Variants in UBE2V2 observed in about 807,000 individuals in gnomAD.
UBE2V2 encodes ubiquitin conjugating enzyme E2 V2, also known as ubiquitin-conjugating enzyme E2 variant 2.
In UBE2V2, 9 loss-of-function variants were observed where a neutral mutation model predicts 17.2. That is an observed-to-expected ratio of 0.52 (90% confidence interval 0.32 to 0.91). UBE2V2 has a LOEUF of 0.91. Among genes scored for constraint, UBE2V2 ranks in the 40% least tolerant of loss-of-function variants. The pLI is 0.04. For synonymous variants in UBE2V2, 61 were observed against 57.5 expected (o/e 1.06, Z -0.28); for missense variants, 133 against 182.6 (o/e 0.73, Z 1.56).
chr8:48,025,126 G>A (rs2091332091), intron 1 of UBE2V2, among the ~76,000 whole-genome samples: 1 of 151,864 alleles, frequency 6.6e-6, no homozygotes, highest in Admixed American at 6.6e-5. Context: ...AGTAGAAACG[G>A]GGTTTCACCG....
the UBE2V2 span, among the ~76,000 whole-genome samples, chr8:48,000,670 A>C: frequency 1.3e-5 from 2 of 151,840 alleles, no homozygotes; most frequent in Non-Finnish European, 2.9e-5. Context: ...AAATACAAAA[A>C]AATTAGCTGG....
chr8:48,045,110 A>C (rs952424293), intron 2 of UBE2V2, among the ~76,000 whole-genome samples: 1 of 152,210 alleles, frequency 6.6e-6, no homozygotes, highest in African/African-American at 2.4e-5. Flanking sequence ...GGGCACACAG[A>C]CAAAATGCTA....
intron 1 of UBE2V2, among the ~76,000 whole-genome samples, chr8:48,010,698 GT>G (rs556750645): frequency 0.018 from 1,795 of 98,668 alleles, 125 homozygotes; most frequent in Admixed American, 0.14. Flanking sequence ...GGGTTTGTTT[GT>G]TTTTTTTTTT....
chr8:47,998,802 C>T, the UBE2V2 span, among the ~76,000 whole-genome samples: 1 of 151,986 alleles, frequency 6.6e-6, no homozygotes, highest in African/African-American at 2.4e-5. Context: ...AAAAATAGAC[C>T]CAAAGTCAGG....
chr8:48,041,173 G>GT (rs1022135692), intron 1 of UBE2V2, among the ~76,000 whole-genome samples: 7,433 of 117,318 alleles, frequency 0.063, 331 homozygotes, highest in African/African-American at 0.11. Context: ...CTTTTTTGTT[G>GT]TTTTTTTTTT....
chr8:48,057,188 A>G (rs1409466555), intron 3 of UBE2V2, among the ~76,000 whole-genome samples: 1 of 152,260 alleles, frequency 6.6e-6, no homozygotes, highest in African/African-American at 2.4e-5. Flanking sequence ...TTGAATCTCT[A>G]AATTAACTTG....
intron 1 of UBE2V2, among the ~76,000 whole-genome samples, chr8:48,014,115 A>G (rs2091251523): frequency 6.6e-6 from 1 of 152,216 alleles, no homozygotes; most frequent in South Asian, 2.1e-4. Flanking sequence ...TGAGGCTTCC[A>G]TAACTGGCCT....
upstream of UBE2V2, among the ~76,000 whole-genome samples, chr8:48,004,496 CTTT>C (rs933576098): frequency 3.4e-5 from 5 of 147,218 alleles, no homozygotes; most frequent in African/African-American, 9.9e-5. Flanking sequence ...TATGATTCTT[CTTT>C]ATTTCCTCTT....
chr8:48,024,702 G>A (rs927193959), intron 1 of UBE2V2, among the ~76,000 whole-genome samples: 2 of 152,008 alleles, frequency 1.3e-5, no homozygotes, highest in Admixed American at 6.6e-5. Flanking sequence ...TTATTTTACA[G>A]ATAAATGCTG....
intron 2 of UBE2V2, among the ~76,000 whole-genome samples, chr8:48,045,794 G>C (rs990345167): frequency 6.6e-6 from 1 of 152,172 alleles, no homozygotes; most frequent in Non-Finnish European, 1.5e-5. Flanking sequence ...CTTGAAGGCA[G>C]GTCACAGCAG....
At chr8:48,050,204 A>G (rs2091526630) in intron 3 of UBE2V2, 1 of 301,740 alleles carries the variant, frequency 3.3e-6, no homozygotes, top group Admixed American at 5.0e-5. Flanking sequence ...CTTGCCTAGA[A>G]TAGATGCATG....
Position 48,055,229 on chromosome 8 carries a change from C to T in UBE2V2, c.291+5251C>T, listed in dbSNP as rs1334656656. Among the ~76,000 whole-genome samples, 13 of 131,274 alleles carry T rather than the reference C, an allele frequency of 9.9e-5. No homozygotes were observed. The South Asian group carries it at 1.2e-3, about 12-fold the overall frequency. 86.1% of individuals were successfully genotyped at this position (131,274 alleles called of 152,430 possible). The stretch of plus-strand genomic sequence containing the variant: ...TTTTTTTTTTTTTGAGACGGAGTTT[C>T]GCTCTTATTGCCCAGGGTAGAGTGC... On this transcript the variant is annotated intron_variant, in intron 3 of 3. Coordinates refer to ENST00000523111, the MANE Select transcript of UBE2V2 (RefSeq NM_003350.3).
chr8:48,044,822 T>G (rs2154507783), intron 2 of UBE2V2, among the ~76,000 whole-genome samples: 1 of 152,340 alleles, frequency 6.6e-6, no homozygotes, highest in Admixed American at 6.5e-5. Flanking sequence ...AGAATATAAA[T>G]TTGAAATTAT....
chr8:48,062,867 A>C lies in UBE2V2; in HGVS notation c.*2039A>C, dbSNP rs1024842389. 2.0e-5 allele frequency: 3 copies of C among 152,220 alleles called. No individual in the cohort carries two copies. Among genetic ancestry groups the C allele is most frequent in the Non-Finnish European group, 4.4e-5 (3 of 68,036 alleles). 9.4% of individuals were successfully genotyped at this position (152,220 alleles called of 1,614,324 possible). On this transcript the variant is annotated 3_prime_UTR_variant, in exon 4 of 4. Coordinates refer to ENST00000523111, the MANE Select transcript of UBE2V2 (RefSeq NM_003350.3). Reference sequence around the variant, plus strand: ...CATACACATACATACAAATTAGTGCATTTGTAATTTGTTAAATTTGAAATG... The same window carrying C: ...CATACACATACATACAAATTAGTGCCTTTGTAATTTGTTAAATTTGAAATG...
chr8:48,006,318 G>A (rs1185379436), upstream of UBE2V2, among the ~76,000 whole-genome samples: 11 of 152,130 alleles, frequency 7.2e-5, no homozygotes, highest in African/African-American at 2.7e-4. Flanking sequence ...AAGATCAGAT[G>A]GTTGTAGATA....
intron 3 of UBE2V2, among the ~76,000 whole-genome samples, chr8:48,053,403 AT>A (rs2091551664): frequency 6.7e-6 from 1 of 148,650 alleles, no homozygotes; most frequent in South Asian, 2.2e-4. Flanking sequence ...CATTTGTCTT[AT>A]TTGTAACAGA....
intron 1 of UBE2V2, among the ~76,000 whole-genome samples, chr8:48,026,172 G>C (rs150429998): frequency 6.6e-6 from 1 of 151,756 alleles, no homozygotes; most frequent in African/African-American, 2.4e-5. Context: ...TATATTATCG[G>C]GTAGGAAGAA....
chr8:48,055,469 G>A (rs2091566211), intron 3 of UBE2V2, among the ~76,000 whole-genome samples: 1 of 151,960 alleles, frequency 6.6e-6, no homozygotes, highest in African/African-American at 2.4e-5. Flanking sequence ...CCAAAGTGCT[G>A]GGATTACAAG....
At chr8:48,043,425 A>G (rs1380034126) in intron 2 of UBE2V2, 3 of 288,210 alleles carry the variant, frequency 1.0e-5, no homozygotes, top group Non-Finnish European at 1.9e-5. Flanking sequence ...AGGGAGAAAA[A>G]ATCAGTACAA....
Sources: allele counts gnomAD v4.1 joint callset (sites outside exome capture counted in the v4.1 genomes callset), GRCh38; gene constraint gnomAD v4.1.1; transcripts MANE v1.5; gene names NCBI Gene and HGNC (gene_info 2026-07-23, HGNC 2026-07-21).